COX7B2: variants seen among roughly 807,000 people sequenced by gnomAD.
The protein encoded by COX7B2 is cytochrome c oxidase subunit 7B2, mitochondrial.
For synonymous variants in COX7B2, 37 were observed against 32.1 expected (o/e 1.15, Z -0.51); for missense variants, 109 against 95.9 (o/e 1.14, Z -0.57).
At chr4:46,740,713 T>A (rs912738817) in intron 2 of COX7B2, among the ~76,000 whole-genome samples, 9 of 151,918 alleles carry the variant, frequency 5.9e-5, no homozygotes, top group Admixed American at 2.0e-4. Flanking sequence ...AAAATAATGA[T>A]CTAAATTAAG....
chr4:46,832,131 C>T (rs1297922915), intron 2 of COX7B2, among the ~76,000 whole-genome samples: 1 of 152,166 alleles, frequency 6.6e-6, no homozygotes, highest in Non-Finnish European at 1.5e-5. Context: ...TCCCCTTCCA[C>T]ACCGTGGAAG....
chr4:46,842,309 G>C (rs559217000), intron 2 of COX7B2, among the ~76,000 whole-genome samples: 2 of 152,040 alleles, frequency 1.3e-5, no homozygotes, highest in South Asian at 2.1e-4. Flanking sequence ...GGGATTATTT[G>C]ACAGTAATGA....
intron 2 of COX7B2, among the ~76,000 whole-genome samples, chr4:46,751,408 T>C (rs1293658338): frequency 6.6e-6 from 1 of 152,184 alleles, no homozygotes; most frequent in Admixed American, 6.6e-5. Flanking sequence ...ACATTAACAT[T>C]TAATTCTCCT....
At position 46,860,035 on chromosome 4, in the gene COX7B2, C is replaced by G. The variant is rs1009933081; in HGVS notation, c.-104-15021G>C. On this transcript the variant is annotated intron_variant, in intron 1 of 2. Coordinates refer to ENST00000355591, the MANE Select transcript of COX7B2 (RefSeq NM_130902.3). ...TATTTCCTGAGTGAAGCCATGAATA[C>G]TCCCTGGATGAGCCCAAATTTTGAA... 2.6e-5 allele frequency among the ~76,000 whole-genome samples: 4 copies of G among 152,184 alleles called. No homozygotes were observed. In the South Asian group the frequency reaches 8.3e-4, roughly 31 times the overall value.
At chr4:46,901,755 A>G (rs1278535768) in intron 1 of COX7B2, among the ~76,000 whole-genome samples, 1 of 152,182 alleles carries the variant, frequency 6.6e-6, no homozygotes, top group East Asian at 1.9e-4. Context: ...CTCTCTCTTT[A>G]AGCTGGAACA....
intron 1 of COX7B2, among the ~76,000 whole-genome samples, chr4:46,900,153 C>T (rs947422147): frequency 6.6e-6 from 1 of 152,030 alleles, no homozygotes; most frequent in African/African-American, 2.4e-5. Flanking sequence ...GATAGTTTAC[C>T]TAGTTACTCG....
chr4:46,893,038 T>G (rs1719534256), intron 1 of COX7B2, among the ~76,000 whole-genome samples: 1 of 152,184 alleles, frequency 6.6e-6, no homozygotes, highest in Non-Finnish European at 1.5e-5. Flanking sequence ...TCCCCAGCCA[T>G]AAGGAACTGT....
At chr4:46,815,761 G>T (rs1006930388) in intron 2 of COX7B2, among the ~76,000 whole-genome samples, 15 of 152,096 alleles carry the variant, frequency 9.9e-5, no homozygotes, top group Non-Finnish European at 1.2e-4. Context: ...TTGAACAAAG[G>T]ATTCTTATGA....
chr4:46,797,134 G>A (rs1377055431), intron 2 of COX7B2, among the ~76,000 whole-genome samples: 1 of 142,522 alleles, frequency 7.0e-6, no homozygotes, highest in African/African-American at 2.6e-5. Flanking sequence ...AGGAGAGTCA[G>A]GGTTATCTCA....
chr4:46,894,634 A>G (rs528096862), intron 1 of COX7B2, among the ~76,000 whole-genome samples: 3 of 152,336 alleles, frequency 2.0e-5, no homozygotes, highest in Admixed American at 2.0e-4. Flanking sequence ...AAAAATTGAC[A>G]AGTGGGATCT....
At chr4:46,859,924 T>C (rs941943337) in intron 1 of COX7B2, among the ~76,000 whole-genome samples, 1 of 152,240 alleles carries the variant, frequency 6.6e-6, no homozygotes, top group African/African-American at 2.4e-5. Context: ...CTATGAGTTA[T>C]CCATGCTCTA....
In COX7B2 at chr4:46,886,867, C is replaced by T. The variant is rs1186229167; in HGVS notation, c.-105+22293G>A. Among the ~76,000 whole-genome samples, 3 of 152,156 alleles carry T rather than the reference C, an allele frequency of 2.0e-5. No homozygotes were observed. In the East Asian group the frequency reaches 5.8e-4, roughly 29 times the overall value. On this transcript the variant is annotated intron_variant, in intron 1 of 2. Coordinates refer to ENST00000355591, the MANE Select transcript of COX7B2 (RefSeq NM_130902.3). ...AATGCCTTTTCACAGATTTAAGGAA[C>T]ACTTGATAAAGGAAAGAGAAAACCC...
In COX7B2 at chr4:46,879,294, C is replaced by T. The variant is rs115667610; in HGVS notation, c.-105+29866G>A. ...TCCAAAGACTAACCAGTAAGTCCTA[C>T]TTATAGCCATGTACCACTGTGTCTA... On this transcript the variant is annotated intron_variant, in intron 1 of 2. Coordinates refer to ENST00000355591, the MANE Select transcript of COX7B2 (RefSeq NM_130902.3). Among the ~76,000 whole-genome samples, 814 of 152,226 alleles carry T rather than the reference C, an allele frequency of 5.3e-3. 7 individuals are homozygous for T. The highest frequency in any genetic ancestry group is 0.017 in the Middle Eastern group (5 of 294).
chr4:46,900,788 A>G (rs1720033853), intron 1 of COX7B2, among the ~76,000 whole-genome samples: 1 of 152,092 alleles, frequency 6.6e-6, no homozygotes. Flanking sequence ...TTATAAGCAA[A>G]TGGTGCCCTC....
At chr4:46,821,049 T>G (rs1244803263) in intron 2 of COX7B2, among the ~76,000 whole-genome samples, 5 of 152,142 alleles carry the variant, frequency 3.3e-5, no homozygotes, top group African/African-American at 1.2e-4. Context: ...ATCCACTGCC[T>G]TATGCTGCCC....
Position 46,892,002 on chromosome 4 carries a change from G to A in COX7B2, c.-105+17158C>T, listed in dbSNP as rs140025660. Reference sequence around the variant, plus strand: ...GTAAATTTACTTTTAGCTACTGTTGGGCATCCTTCAGGAGAGACCATCCTA... The same window carrying A: ...GTAAATTTACTTTTAGCTACTGTTGAGCATCCTTCAGGAGAGACCATCCTA... On this transcript the variant is annotated intron_variant, in intron 1 of 2. Transcript: ENST00000355591. 3.9e-3 allele frequency among the ~76,000 whole-genome samples: 592 copies of A among 152,000 alleles called. 6 individuals are homozygous for A. Among genetic ancestry groups the A allele is most frequent in the African/African-American group, 0.014 (577 of 41,434 alleles).
At chr4:46,859,657 G>A (rs549093107) in intron 1 of COX7B2, among the ~76,000 whole-genome samples, 12 of 152,172 alleles carry the variant, frequency 7.9e-5, no homozygotes, top group African/African-American at 2.2e-4. Context: ...TTTCTGGTTC[G>A]AATAGGATGA....
At chr4:46,768,211 T>C (rs1421430860) in intron 2 of COX7B2, among the ~76,000 whole-genome samples, 1 of 152,170 alleles carries the variant, frequency 6.6e-6, no homozygotes, top group South Asian at 2.1e-4. Flanking sequence ...ACTTGAAGGA[T>C]GGTGAATGCA....
At chr4:46,766,688 G>C (rs1397592002) in intron 2 of COX7B2, among the ~76,000 whole-genome samples, 1 of 139,022 alleles carries the variant, frequency 7.2e-6, no homozygotes, top group Admixed American at 7.8e-5. Context: ...GTGACAAAGA[G>C]AGACTCCGTC....
Sources: gnomAD v4.1 joint callset for allele counts (sites outside exome capture counted in the v4.1 genomes callset) on GRCh38, gnomAD v4.1.1 for gene constraint, MANE v1.5 for transcripts, NCBI Gene and HGNC (gene_info 2026-07-23, HGNC 2026-07-21) for gene names.